Variants in NBPF11 observed in about 807,000 individuals in gnomAD.
NBPF11 encodes NBPF family member NBPF11.
In NBPF11, 72 loss-of-function variants were observed where a neutral mutation model predicts 93.9. The observed-to-expected ratio is 0.77, with a 90% CI of 0.63 to 0.93. NBPF11 has a LOEUF of 0.93. NBPF11 is among the 40% of genes least tolerant of loss of function. The probability of loss-of-function intolerance (pLI) is 0.00; values close to 1 mark genes in which losing one functional copy is unlikely to be tolerated. For missense variants in NBPF11, 705 were observed against 802.2 expected, an observed-to-expected ratio of 0.88 and a Z score of 1.46; for synonymous variants, 224 against 304.9, an observed-to-expected ratio of 0.73 and a Z score of 2.76.
At chr1:148,103,961 C>A in intron 23 of NBPF11, 49 bp from the exon 24 acceptor site, 1 of 1,609,926 alleles carries the variant, frequency 6.2e-7, no homozygotes, top group Non-Finnish European at 8.5e-7. Flanking sequence ...AATCAGACAC[C>A]ACAGAGCCCC....
At chr1:148,144,336 T>C (rs1672651905) in intron 1 of NBPF11, among the ~76,000 whole-genome samples, 1 of 150,274 alleles carries the variant, frequency 6.7e-6, no homozygotes, top group Admixed American at 6.6e-5. Flanking sequence ...GCATTTCCTT[T>C]TATGGCAGCT....
At position 148,102,922 on chromosome 1, in the gene NBPF11, C is replaced by T. The variant is rs1294182275; in HGVS notation, c.*974G>A. On this transcript the variant is annotated 3_prime_UTR_variant, in exon 24 of 24. Coordinates refer to ENST00000682118, the MANE Select transcript of NBPF11 (RefSeq NM_001385469.3). The stretch of plus-strand genomic sequence containing the variant: ...TACCTCCTATGAAACTCAGGCTAAG[C>T]GTTTTCTGCAAGAACATGGCATTGC... 6.6e-6 allele frequency: 1 copy of T among 150,966 alleles called. No individual in the cohort carries two copies. Among genetic ancestry groups the T allele is most frequent in the Admixed American group, 6.4e-5 (1 of 15,642 alleles). The allele number at this position is 150,966 out of a possible 1,614,324, so 9.4% of individuals were successfully genotyped here. A position where few individuals can be genotyped will look rare whatever the true frequency, so the allele number is the denominator to read the frequency against.
At chr1:148,145,032 G>T (rs1372916496) in intron 1 of NBPF11, among the ~76,000 whole-genome samples, 1 of 148,768 alleles carries the variant, frequency 6.7e-6, no homozygotes, top group Non-Finnish European at 1.5e-5. Flanking sequence ...TGAGCCAGGA[G>T]GTGGAGGTGG....
At chr1:148,108,423 A>G in intron 18 of NBPF11, 59 bp downstream of exon 18, 1 of 1,120,636 alleles carries the variant, frequency 8.9e-7, no homozygotes, top group Non-Finnish European at 1.3e-6. Flanking sequence ...TGCAGTAGGA[A>G]TATGACCCTA....
chr1:148,122,403 A>G, intron 8 of NBPF11, 137 bp from the exon 9 acceptor site: 1 of 1,428,214 alleles, frequency 7.0e-7, no homozygotes, highest in African/African-American at 1.4e-5. Flanking sequence ...TTTAAGAGGG[A>G]ACAGGCAATC....
rs1301841607 is a variant in NBPF11, at chr1:148,148,661, T to A, written c.-549+3089A>T. ...AGAGTCCAAAATTGGGTGGAGACAT[T>A]TGGGGACACAGCTGCCTGAATTCCT... On this transcript the variant is annotated intron_variant, in intron 1 of 23. Coordinates refer to ENST00000682118, the MANE Select transcript of NBPF11 (RefSeq NM_001385469.3). Among the ~76,000 whole-genome samples the A allele has an allele frequency of 4.1e-3, 596 of 145,004 alleles. 20 individuals are homozygous for A. Among genetic ancestry groups the A allele is most frequent in the African/African-American group, 0.014 (532 of 39,178 alleles).
rs1302810451 is a variant in NBPF11 at position 148,136,492 on chromosome 1, A to G, written c.-177-679T>C. Among the ~76,000 whole-genome samples, 1,091 of 150,440 alleles carry G rather than the reference A, an allele frequency of 7.3e-3. 23 individuals are homozygous for G. Among genetic ancestry groups the G allele is most frequent in the African/African-American group, 0.025 (1,025 of 40,248 alleles). On this transcript the variant is annotated intron_variant, in intron 3 of 23. Coordinates refer to ENST00000682118, the MANE Select transcript of NBPF11 (RefSeq NM_001385469.3). ...GAATCTCAAAAACATTTTGAGTGCA[A>G]TAGGAGCCATACGCAAAACAGTGTG...
intron 23 of NBPF11, among the ~76,000 whole-genome samples, chr1:148,104,211 G>A (rs1348592959): frequency 6.9e-6 from 1 of 144,110 alleles, no homozygotes; most frequent in African/African-American, 2.7e-5. Flanking sequence ...AGGACACTCT[G>A]ACTTAGTGCC....
intron 6 of NBPF11, among the ~76,000 whole-genome samples, chr1:148,124,658 G>A (rs1394446867): frequency 6.6e-6 from 1 of 151,776 alleles, no homozygotes; most frequent in Non-Finnish European, 1.5e-5. Flanking sequence ...TTTGTGTTAT[G>A]TAAGTTTCAC....
At chr1:148,145,557 A>T (rs1269621050) in intron 1 of NBPF11, among the ~76,000 whole-genome samples, 1 of 150,282 alleles carries the variant, frequency 6.7e-6, no homozygotes, top group Non-Finnish European at 1.5e-5. Flanking sequence ...ACCATAAAGG[A>T]AAAGATTGAT....
rs1186038381 is a variant in NBPF11, at chr1:148,103,903, G to A, written c.2591C>T (p.Ala864Val). ...IKTHHAPGSA[A>V]C ...CAGGCACTTCCACTTCCATCAGCAC[G>A]CTGCTGAGCCTGGAAAAGGAGACAA... The change falls in exon 24 of 24, where the codon GCG (alanine) becomes GTG (valine). Residue 864 changes from alanine (A) to valine (V), a missense_variant. By Grantham distance (64) the Ala-to-Val change is moderately conservative (BLOSUM62 0). Coordinates refer to ENST00000682118, the MANE Select transcript of NBPF11 (RefSeq NM_001385469.3). 86 of 1,610,860 alleles carry A rather than the reference G, an allele frequency of 5.3e-5. 1 individual carries two copies. In the Middle Eastern group the frequency reaches 9.0e-4, roughly 17 times the overall value.
Position 148,103,557 on chromosome 1 carries a change from C to T in NBPF11, c.*339G>A. The T allele has an allele frequency of 6.3e-7, 1 of 1,584,352 alleles. No homozygotes were observed. Among genetic ancestry groups the T allele is most frequent in the Non-Finnish European group, 8.6e-7 (1 of 1,161,454 alleles). Reference sequence around the variant, plus strand: ...GAGAATAGGAATAGAGCCATGCCCACTGACCCATCCTATGTCTGGGCTTCC... The same window carrying T: ...GAGAATAGGAATAGAGCCATGCCCATTGACCCATCCTATGTCTGGGCTTCC... On this transcript the variant is annotated 3_prime_UTR_variant, in exon 24 of 24. Coordinates refer to ENST00000682118, the MANE Select transcript of NBPF11 (RefSeq NM_001385469.3).
At chr1:148,140,198 T>A (rs1399260722) in intron 2 of NBPF11, among the ~76,000 whole-genome samples, 1 of 152,022 alleles carries the variant, frequency 6.6e-6, no homozygotes, top group Non-Finnish European at 1.5e-5. Flanking sequence ...CCTTTCCAAC[T>A]AGTGGTGCTA....
intron 3 of NBPF11, among the ~76,000 whole-genome samples, chr1:148,136,778 T>G (rs1671359726): frequency 6.6e-6 from 1 of 151,916 alleles, no homozygotes; most frequent in African/African-American, 2.4e-5. Flanking sequence ...GATAAGCTGT[T>G]TGTTCAGTTT....
intron 1 of NBPF11, chr1:148,149,555 C>A: frequency 6.3e-7 from 1 of 1,594,256 alleles, no homozygotes; most frequent in South Asian, 1.1e-5. Context: ...GCTGCCCAGC[C>A]AGCGCGCCTA....
Position 148,104,600 on chromosome 1 carries a change from G to C in NBPF11, c.2518C>G (p.Gln840Glu). The C allele has an allele frequency of 1.7e-6, 1 of 585,500 alleles. No homozygotes were observed. Among genetic ancestry groups the C allele is most frequent in the Non-Finnish European group, 3.0e-6 (1 of 337,312 alleles). The allele number at this position is 585,500 out of a possible 1,614,324, so 36.3% of individuals were successfully genotyped here. The stretch of plus-strand genomic sequence containing the variant: ...TCTTCCCCTTCTTCTTTTCTTCTTT[G>C]ATCTTCTTCCCCTTCTTTTCTTCCC... ...GRGRKEGEED[Q>E]RRKEEGEEKK... is the part of the protein sequence containing the mutation. The change falls in exon 23 of 24, where the codon CAA becomes GAA. Residue 840 changes from glutamine (Q) to glutamate (E), a missense_variant. This residue lies in a region of NBPF11 where 109 missense variants were observed against 83.3 expected (regional missense o/e 1.31). Transcript: ENST00000682118.
At chr1:148,130,963 A>C (rs1670225259) in intron 4 of NBPF11, among the ~76,000 whole-genome samples, 1 of 151,858 alleles carries the variant, frequency 6.6e-6, no homozygotes, top group Non-Finnish European at 1.5e-5. Context: ...GTAAATACTG[A>C]GTAGTATTCC....
At chr1:148,132,345 T>C (rs1281115317) in intron 4 of NBPF11, among the ~76,000 whole-genome samples, 1 of 108,092 alleles carries the variant, frequency 9.3e-6, no homozygotes, top group Non-Finnish European at 1.8e-5. Context: ...CTTCCACTGA[T>C]ATATATTCTA....
chr1:148,132,649 T>C (rs1207799042), intron 4 of NBPF11, among the ~76,000 whole-genome samples: 3 of 147,732 alleles, frequency 2.0e-5, no homozygotes, highest in Non-Finnish European at 3.0e-5. Flanking sequence ...ACTAATTTAG[T>C]TCTTTCATAA....
Sources: gnomAD v4.1 joint callset for allele counts (sites outside exome capture counted in the v4.1 genomes callset) on GRCh38, gnomAD v4.1.1 for gene constraint, gnomAD v4.1.1 regional missense constraint, MANE v1.5 for transcripts, NCBI Gene and HGNC (gene_info 2026-07-23, HGNC 2026-07-21) for gene names.